OPCML: variants seen among roughly 807,000 people sequenced by gnomAD.
The protein encoded by OPCML is opioid binding protein/cell adhesion molecule like.
OPCML carries 13 observed loss-of-function variants against 37.8 expected under a neutral mutation model. That is an observed-to-expected ratio of 0.34 (90% CI 0.22 to 0.55). The LOEUF (loss-of-function observed/expected upper bound fraction) is 0.55, where lower values mean the gene tolerates loss of function less well. OPCML is among the 20% of genes least tolerant of loss of function. OPCML has a pLI of 0.91. For missense variants in OPCML, 341 were observed against 435.6 expected (o/e 0.78, Z 1.93); for synonymous variants, 176 against 168.8 (o/e 1.04, Z -0.33).
intron 1 of OPCML, among the ~76,000 whole-genome samples, chr11:133,243,522 T>C (rs749852488): frequency 6.6e-6 from 1 of 152,178 alleles, no homozygotes; most frequent in Non-Finnish European, 1.5e-5. Flanking sequence ...GAGAAGGCGC[T>C]GCAGAGGGGA....
chr11:132,824,712 A>G (rs1395472269), intron 2 of OPCML, among the ~76,000 whole-genome samples: 2 of 152,178 alleles, frequency 1.3e-5, no homozygotes, highest in Non-Finnish European at 2.9e-5. Context: ...CAAAAATAAG[A>G]GTATTCACCT....
chr11:133,008,397 A>G (rs1464435458), intron 1 of OPCML: 12 of 985,336 alleles, frequency 1.2e-5, no homozygotes, highest in Middle Eastern at 5.2e-4. Flanking sequence ...GACATCCGAG[A>G]TTGTGCTCAG....
intron 2 of OPCML, among the ~76,000 whole-genome samples, chr11:132,914,976 C>G (rs996412378): frequency 1.2e-4 from 19 of 152,230 alleles, no homozygotes; most frequent in African/African-American, 4.6e-4. Context: ...CCCTCCAGGT[C>G]TGACAACCTT....
chr11:133,262,955 G>T (rs1306873023), intron 1 of OPCML, among the ~76,000 whole-genome samples: 10 of 151,846 alleles, frequency 6.6e-5, no homozygotes, highest in African/African-American at 2.2e-4. Context: ...GAGAGCTGGG[G>T]AAGACACCCT....
chr11:132,578,861 T>TA (rs2096456385), intron 3 of OPCML, among the ~76,000 whole-genome samples: 1 of 152,108 alleles, frequency 6.6e-6, no homozygotes, highest in Non-Finnish European at 1.5e-5. Flanking sequence ...TGGAAAATAA[T>TA]ATGATAGCAA....
chr11:133,124,173 G>GA (rs11365049), intron 1 of OPCML, among the ~76,000 whole-genome samples: 27 of 149,868 alleles, frequency 1.8e-4, no homozygotes, highest in South Asian at 6.4e-4. Context: ...AGGAAATTTA[G>GA]AAAAAAAAAA....
chr11:133,115,915 G>A (rs77204284), intron 1 of OPCML, among the ~76,000 whole-genome samples: 135 of 151,934 alleles, frequency 8.9e-4, no homozygotes, highest in African/African-American at 3.0e-3. Flanking sequence ...TATCATGCCC[G>A]TTTTTCCCCT....
At chr11:133,064,329 C>A (rs576781701) in intron 1 of OPCML, among the ~76,000 whole-genome samples, 2 of 152,344 alleles carry the variant, frequency 1.3e-5, no homozygotes, top group African/African-American at 4.8e-5. Flanking sequence ...CCCCTGGTAC[C>A]GCAACCCGCC....
intron 1 of OPCML, among the ~76,000 whole-genome samples, chr11:133,450,560 C>T (rs1484065342): frequency 3.3e-5 from 5 of 151,130 alleles, no homozygotes; most frequent in African/African-American, 1.2e-4. Flanking sequence ...ATGGGACTGT[C>T]TAAAATAAAT....
chr11:132,520,809 G>A (rs1035549247), intron 4 of OPCML, among the ~76,000 whole-genome samples: 3 of 151,928 alleles, frequency 2.0e-5, no homozygotes, highest in Non-Finnish European at 4.4e-5. Flanking sequence ...CCAAGTCTTT[G>A]CTATTGTAAA....
At chr11:133,530,536 G>A (rs545626299) in intron 1 of OPCML, among the ~76,000 whole-genome samples, 39 of 152,308 alleles carry the variant, frequency 2.6e-4, no homozygotes, top group Non-Finnish European at 4.1e-4. Flanking sequence ...CTCCTGCCAC[G>A]GACCCAGTGC....
chr11:132,443,522 G>A (rs1443317900), intron 4 of OPCML, among the ~76,000 whole-genome samples: 3 of 152,208 alleles, frequency 2.0e-5, no homozygotes, highest in Admixed American at 6.5e-5. Context: ...GGTGATTGAC[G>A]ACCAAGTGCA....
chr11:133,332,896 C>T (rs978206513), intron 1 of OPCML, among the ~76,000 whole-genome samples: 23 of 152,066 alleles, frequency 1.5e-4, no homozygotes, highest in African/African-American at 3.4e-4. Context: ...TCATGTTACC[C>T]GACTTCAAAC....
At chr11:133,140,085 G>T (rs1949745091) in intron 1 of OPCML, among the ~76,000 whole-genome samples, 1 of 151,752 alleles carries the variant, frequency 6.6e-6, no homozygotes, top group African/African-American at 2.4e-5. Context: ...TACTGGGGAG[G>T]CTGAAGCAGG....
At chr11:133,251,141 G>A (rs1190632508) in intron 1 of OPCML, among the ~76,000 whole-genome samples, 36 of 152,078 alleles carry the variant, frequency 2.4e-4, no homozygotes, top group Non-Finnish European at 1.2e-4. Context: ...AAGATTATTG[G>A]AGAAATATAT....
intron 1 of OPCML, among the ~76,000 whole-genome samples, chr11:133,257,469 T>C (rs897984953): frequency 6.6e-6 from 1 of 152,190 alleles, no homozygotes; most frequent in Admixed American, 6.5e-5. Flanking sequence ...TTTCTGTACC[T>C]GTATCACAAG....
At chr11:133,311,246 T>C (rs577735259) in intron 1 of OPCML, among the ~76,000 whole-genome samples, 37 of 152,340 alleles carry the variant, frequency 2.4e-4, no homozygotes, top group African/African-American at 8.9e-4. Context: ...GCATTTTCCT[T>C]GAAGCTCTTC....
At chr11:133,493,941 A>G (rs886162949) in intron 1 of OPCML, among the ~76,000 whole-genome samples, 2 of 152,102 alleles carry the variant, frequency 1.3e-5, no homozygotes, top group African/African-American at 4.8e-5. Flanking sequence ...AAAATGGGAG[A>G]AAATTTTCAC....
At chr11:132,778,969 T>TC (rs1210331876) in intron 2 of OPCML, among the ~76,000 whole-genome samples, 2 of 143,786 alleles carry the variant, frequency 1.4e-5, no homozygotes, top group African/African-American at 5.1e-5. Flanking sequence ...TTCTTTTTTT[T>TC]TTTTTTTTTT....
Sources: allele counts gnomAD v4.1 joint callset (sites outside exome capture counted in the v4.1 genomes callset), GRCh38; gene constraint gnomAD v4.1.1; transcripts MANE v1.5; gene names NCBI Gene and HGNC (gene_info 2026-07-23, HGNC 2026-07-21).